Variants in PID1 observed in about 807,000 individuals in gnomAD.
PID1 encodes the protein phosphotyrosine interaction domain containing 1, also known as PTB-containing, cubilin and LRP1-interacting protein.
Under a neutral mutation model 19.1 loss-of-function variants are expected in PID1, and 10 were observed. That is an observed-to-expected ratio of 0.52 (90% CI 0.32 to 0.89). The LOEUF (loss-of-function observed/expected upper bound fraction) is 0.89, where lower values mean the gene tolerates loss of function less well. PID1 is among the 40% of genes least tolerant of loss of function. The probability of loss-of-function intolerance (pLI) is 0.03; values close to 1 mark genes in which losing one functional copy is unlikely to be tolerated. For missense variants in PID1, 248 were observed against 285.3 expected (o/e 0.87, Z 0.94); for synonymous variants, 130 against 116.0 (o/e 1.12, Z -0.78).
At chr2:229,035,479 T>C (rs1234465724) in intron 2 of PID1, among the ~76,000 whole-genome samples, 8 of 150,366 alleles carry the variant, frequency 5.3e-5, no homozygotes, top group African/African-American at 1.2e-4. Flanking sequence ...CTCACACACA[T>C]ACATATAAAT....
At chr2:229,151,944 T>C (rs1345434978) in intron 2 of PID1, among the ~76,000 whole-genome samples, 1 of 152,200 alleles carries the variant, frequency 6.6e-6, no homozygotes, top group Non-Finnish European at 1.5e-5. Context: ...TGAATGGCCC[T>C]GCAAGTCTCA....
At chr2:229,238,185 T>C (rs1689768998) in intron 1 of PID1, among the ~76,000 whole-genome samples, 2 of 152,180 alleles carry the variant, frequency 1.3e-5, no homozygotes, top group Admixed American at 1.3e-4. Flanking sequence ...CCCTCAATTG[T>C]CATGAGTGGA....
intron 2 of PID1, among the ~76,000 whole-genome samples, chr2:229,071,073 T>G (rs1469009521): frequency 2.7e-5 from 4 of 148,602 alleles, no homozygotes; most frequent in African/African-American, 1.0e-4. Context: ...GTTCACTTTT[T>G]AAGCAAATGA....
chr2:229,221,399 T>C (rs937167190), intron 1 of PID1, among the ~76,000 whole-genome samples: 1 of 152,164 alleles, frequency 6.6e-6, no homozygotes, highest in Non-Finnish European at 1.5e-5. Flanking sequence ...TGGTCCAAGA[T>C]ACAACAGGCT....
chr2:229,141,123 C>T (rs894242201), intron 2 of PID1, among the ~76,000 whole-genome samples: 4 of 151,948 alleles, frequency 2.6e-5, no homozygotes, highest in East Asian at 1.9e-4. Flanking sequence ...TGCTATGAAG[C>T]GGAAATAAAA....
intron 1 of PID1, among the ~76,000 whole-genome samples, chr2:229,187,268 TA>T (rs1445546519): frequency 2.6e-5 from 4 of 152,214 alleles, no homozygotes; most frequent in African/African-American, 9.7e-5. Context: ...CATTTTTGGG[TA>T]TCTTTTCAGC....
chr2:229,255,256 T>C (rs1362932180), intron 1 of PID1, among the ~76,000 whole-genome samples: 3 of 152,154 alleles, frequency 2.0e-5, no homozygotes, highest in Non-Finnish European at 2.9e-5. Context: ...CAAGCCACTG[T>C]GTGAGTCGAT....
At chr2:229,260,188 T>C (rs1690418034) in intron 1 of PID1, among the ~76,000 whole-genome samples, 1 of 152,078 alleles carries the variant, frequency 6.6e-6, no homozygotes, top group South Asian at 2.1e-4. Flanking sequence ...CTCAGCCATA[T>C]CAATTTTGGC....
At chr2:229,076,538 C>G (rs953154331) in intron 2 of PID1, among the ~76,000 whole-genome samples, 4 of 152,066 alleles carry the variant, frequency 2.6e-5, no homozygotes, top group African/African-American at 9.7e-5. Context: ...TGTTATCCCT[C>G]CCATTGCCTC....
intron 2 of PID1, among the ~76,000 whole-genome samples, chr2:229,065,955 T>C (rs1350758124): frequency 1.3e-5 from 2 of 152,158 alleles, no homozygotes; most frequent in African/African-American, 4.8e-5. Context: ...TTCATAAGCA[T>C]GGAAATAGTA....
intron 1 of PID1, among the ~76,000 whole-genome samples, chr2:229,174,630 T>C (rs1431074067): frequency 6.6e-6 from 1 of 150,850 alleles, no homozygotes; most frequent in Non-Finnish European, 1.5e-5. Flanking sequence ...ACCACAGATA[T>C]ACTGTGTACC....
chr2:229,265,641 C>G (rs1690577188), intron 1 of PID1, among the ~76,000 whole-genome samples: 1 of 152,176 alleles, frequency 6.6e-6, no homozygotes. Context: ...AAGAAGCACA[C>G]TGCAGTCATT....
At chr2:229,103,074 G>A (rs1484442275) in intron 2 of PID1, among the ~76,000 whole-genome samples, 7 of 152,188 alleles carry the variant, frequency 4.6e-5, no homozygotes, top group Non-Finnish European at 7.3e-5. Flanking sequence ...CCTCTTCCGG[G>A]CAAAGGTTCC....
At chr2:229,074,308 A>G (rs975351780) in intron 2 of PID1, among the ~76,000 whole-genome samples, 17 of 152,260 alleles carry the variant, frequency 1.1e-4, no homozygotes, top group African/African-American at 3.9e-4. Flanking sequence ...TACTTCAAGA[A>G]ATTAACATTA....
At chr2:229,222,228 C>A (rs1326935725) in intron 1 of PID1, among the ~76,000 whole-genome samples, 1 of 152,180 alleles carries the variant, frequency 6.6e-6, no homozygotes, top group Non-Finnish European at 1.5e-5. Context: ...CAGAACTCCA[C>A]TTACCCTGAA....
chr2:229,131,773 G>A (rs1047006104), intron 2 of PID1, among the ~76,000 whole-genome samples: 2 of 151,632 alleles, frequency 1.3e-5, no homozygotes, highest in Non-Finnish European at 2.9e-5. Context: ...GCCAAGCAAC[G>A]TTCACTTCTT....
rs565394179 is a variant in PID1, at chr2:229,175,923, C to G, written c.31-19959G>C. On this transcript the variant is annotated intron_variant, in intron 1 of 2. Coordinates refer to ENST00000392055, the MANE Select transcript of PID1 (RefSeq NM_001100818.2). Reference sequence around the variant, plus strand: ...AAGGTTTTTTTACAGTCCAAATGATCTGTGATGGACTTCACCATCCCCACG... The same window carrying G: ...AAGGTTTTTTTACAGTCCAAATGATGTGTGATGGACTTCACCATCCCCACG... Among the ~76,000 whole-genome samples the G allele has an allele frequency of 5.3e-5, 8 of 152,306 alleles. No individual in the cohort carries two copies. In the South Asian group the frequency reaches 1.7e-3, roughly 32 times the overall value.
At chr2:229,255,206 T>A (rs1316607794) in intron 1 of PID1, among the ~76,000 whole-genome samples, 2 of 152,250 alleles carry the variant, frequency 1.3e-5, no homozygotes, top group South Asian at 2.1e-4. Context: ...ATCAAGTAGA[T>A]GGGTTGAGGG....
intron 2 of PID1, among the ~76,000 whole-genome samples, chr2:229,127,031 G>T (rs564185581): frequency 1.3e-5 from 2 of 152,192 alleles, no homozygotes; most frequent in Admixed American, 6.5e-5. Flanking sequence ...GGATGCCAGC[G>T]GGGAGAGAGA....
Sources: allele counts gnomAD v4.1 joint callset (sites outside exome capture counted in the v4.1 genomes callset), GRCh38; gene constraint gnomAD v4.1.1; transcripts MANE v1.5; gene names NCBI Gene and HGNC (gene_info 2026-07-23, HGNC 2026-07-21).